Variants in WLS observed in about 807,000 individuals in gnomAD.
WLS encodes the protein protein wntless homolog.
Under a neutral mutation model 62.8 loss-of-function variants are expected in WLS, and 23 were observed. The ratio of observed to expected loss-of-function variants is 0.37; its 90% CI spans 0.26 to 0.52. The LOEUF is 0.52. Ranked by LOEUF, WLS falls within the 20% of genes least tolerant of loss-of-function variation. The probability of loss-of-function intolerance (pLI) is 0.92; values close to 1 mark genes in which losing one functional copy is unlikely to be tolerated. For synonymous variants in WLS, 246 were observed against 244.1 expected (o/e 1.01, Z -0.07); for missense variants, 615 against 697.3 (o/e 0.88, Z 1.33).
intron 3 of WLS, among the ~76,000 whole-genome samples, chr1:68,157,791 C>T (rs1373031794): frequency 1.3e-5 from 2 of 152,158 alleles, no homozygotes; most frequent in Non-Finnish European, 2.9e-5. Flanking sequence ...CAGTTGCAGG[C>T]AAACACCCTT....
chr1:68,213,173 G>A (rs528435911), intron 1 of WLS, among the ~76,000 whole-genome samples: 182 of 152,192 alleles, frequency 1.2e-3, no homozygotes, highest in African/African-American at 4.3e-3. Flanking sequence ...AAGTAAAGCC[G>A]GGCGTGGTGG....
intron 3 of WLS, among the ~76,000 whole-genome samples, chr1:68,156,968 T>A (rs1646908526): frequency 6.6e-6 from 1 of 152,204 alleles, no homozygotes; most frequent in Non-Finnish European, 1.5e-5. Flanking sequence ...TGATGGAAAT[T>A]GAGAACTTGA....
chr1:68,228,118 C>A, intron 1 of WLS: 1 of 353,212 alleles, frequency 2.8e-6, no homozygotes, highest in Non-Finnish European at 5.4e-6. Flanking sequence ...ACATTACATC[C>A]TCAACATTAA....
chr1:68,182,258 G>C (rs1647625309), intron 2 of WLS, among the ~76,000 whole-genome samples: 1 of 152,204 alleles, frequency 6.6e-6, no homozygotes, highest in Non-Finnish European at 1.5e-5. Context: ...AAGCCAGATA[G>C]AGCTCTATAG....
chr1:68,166,892 C>G (rs983757441), intron 2 of WLS, among the ~76,000 whole-genome samples: 4 of 152,110 alleles, frequency 2.6e-5, no homozygotes, highest in African/African-American at 7.2e-5. Context: ...GACTCAGGAC[C>G]CTAGAGCTTC....
At chr1:68,215,741 A>T (rs1649700464) in intron 1 of WLS, among the ~76,000 whole-genome samples, 1 of 152,228 alleles carries the variant, frequency 6.6e-6, no homozygotes, top group Non-Finnish European at 1.5e-5. Context: ...TCATACTGAC[A>T]CTAAAAATAA....
rs539266464 is a variant in WLS, at chr1:68,115,613, G to A, written c.1511-16860C>T. Among the ~76,000 whole-genome samples the A allele has an allele frequency of 6.7e-4, 102 of 152,158 alleles. 1 individual carries two copies. Among genetic ancestry groups the A allele is most frequent in the Non-Finnish European group, 1.8e-4 (12 of 68,030 alleles). On this transcript the variant is annotated intron_variant, in intron 11 of 11. Coordinates refer to the WLS transcript ENST00000354777. ...TACCTATATCATGGGACTACTGTGA[G>A]GTGCCAGCACATTATCAGTGCTTTG... is the stretch of plus-strand genomic sequence containing the variant.
intron 2 of WLS, chr1:68,162,728 C>A: frequency 8.7e-7 from 1 of 1,154,614 alleles, no homozygotes; most frequent in Non-Finnish European, 1.3e-6. Flanking sequence ...TTGCACACAG[C>A]AATTCCGAGC....
At chr1:68,153,749 C>T (rs978937329) in intron 4 of WLS, 96 bp from the exon 5 acceptor site, 39 of 1,523,464 alleles carry the variant, frequency 2.6e-5, no homozygotes, top group Admixed American at 5.4e-5. Flanking sequence ...GTGGAGACCT[C>T]GTCTGCGAAT....
intron 11 of WLS, among the ~76,000 whole-genome samples, chr1:68,119,038 A>G (rs1364933844): frequency 6.6e-6 from 1 of 152,176 alleles, no homozygotes; most frequent in Non-Finnish European, 1.5e-5. Flanking sequence ...AAGGATGCTC[A>G]TTTCAACATA....
chr1:68,162,020 TCA>T (rs1646983520), intron 2 of WLS: 1 of 1,593,008 alleles, frequency 6.3e-7, no homozygotes, highest in African/African-American at 1.3e-5. Flanking sequence ...AATTCCTTGT[TCA>T]CACAGTTTCT....
Position 68,159,135 on chromosome 1 carries a change from G to C in WLS, c.492C>G (p.Phe164Leu). Reference protein sequence around the residue: ...ERVPRKLKCTFTSPKTPEHEG... With the variant: ...ERVPRKLKCTLTSPKTPEHEG... ...CAAGGGGTCATACCTTGGGAGATGT[G>C]AAGGTGCATTTGAGTTTCCGTGGTA... The change falls in exon 3 of 12, where the codon TTC (phenylalanine) becomes TTG (leucine). Residue 164 changes from phenylalanine (F) to leucine (L), a missense_variant. By Grantham distance (22) the Phe-to-Leu change is conservative. Transcript: ENST00000262348. The C allele has an allele frequency of 6.2e-7, 1 of 1,614,090 alleles. No homozygotes were observed. Among genetic ancestry groups the C allele is most frequent in the Non-Finnish European group, 8.5e-7 (1 of 1,180,004 alleles).
At chr1:68,219,015 A>G (rs1205870485) in intron 1 of WLS, among the ~76,000 whole-genome samples, 1 of 152,248 alleles carries the variant, frequency 6.6e-6, no homozygotes, top group African/African-American at 2.4e-5. Flanking sequence ...CTCTTCTAAA[A>G]GAAGCCCCTT....
At chr1:68,128,251 C>T (rs1466920126) in intron 11 of WLS, among the ~76,000 whole-genome samples, 2 of 152,196 alleles carry the variant, frequency 1.3e-5, no homozygotes, top group Non-Finnish European at 2.9e-5. Flanking sequence ...CAAGCTGAAC[C>T]ACCACTTGTA....
intron 1 of WLS, among the ~76,000 whole-genome samples, chr1:68,229,596 CT>C (rs1204530606): frequency 4.6e-5 from 7 of 152,142 alleles, no homozygotes; most frequent in African/African-American, 1.7e-4. Context: ...TGTTGCTATT[CT>C]TTCCTTAGTT....
intron 1 of WLS, among the ~76,000 whole-genome samples, chr1:68,211,400 T>C (rs1034407156): frequency 6.6e-6 from 1 of 151,736 alleles, no homozygotes; most frequent in African/African-American, 2.4e-5. Flanking sequence ...AACAAAATCT[T>C]ATTCATCTTT....
At chr1:68,166,608 C>T (rs1395826615) in intron 2 of WLS, among the ~76,000 whole-genome samples, 1 of 152,170 alleles carries the variant, frequency 6.6e-6, no homozygotes, top group African/African-American at 2.4e-5. Context: ...GTCAAAGAGC[C>T]ACTCAACACA....
chr1:68,120,661 G>A (rs368977099), downstream of WLS, among the ~76,000 whole-genome samples: 6 of 152,086 alleles, frequency 3.9e-5, no homozygotes, highest in African/African-American at 1.4e-4. Flanking sequence ...TTACAAAGTT[G>A]CATATTACAA....
intron 1 of WLS, among the ~76,000 whole-genome samples, chr1:68,203,776 C>T (rs1006527874): frequency 1.3e-5 from 2 of 152,126 alleles, no homozygotes. Context: ...GACTCCAGAG[C>T]AACCTATGGA....
Sources: allele counts gnomAD v4.1 joint callset (sites outside exome capture counted in the v4.1 genomes callset), GRCh38; gene constraint gnomAD v4.1.1; transcripts MANE v1.5; gene names NCBI Gene and HGNC (gene_info 2026-07-23, HGNC 2026-07-21).